Variants in SECISBP2L observed in about 807,000 individuals in gnomAD.
The protein encoded by SECISBP2L is SECIS binding protein 2 like, also known as selenocysteine insertion sequence-binding protein 2-like.
SECISBP2L carries 43 observed loss-of-function variants against 114.7 expected under a neutral mutation model. The ratio of observed to expected loss-of-function variants is 0.38; its 90% confidence interval spans 0.29 to 0.48. The LOEUF (loss-of-function observed/expected upper bound fraction) is 0.48, where lower values mean the gene tolerates loss of function less well. Among genes scored for constraint, SECISBP2L ranks in the 20% least tolerant of loss-of-function variants. SECISBP2L has a pLI of 0.98. For missense variants in SECISBP2L, 1,136 were observed against 1,301.1 expected, an observed-to-expected ratio of 0.87 and a Z score of 1.95; for synonymous variants, 451 against 439.7, an observed-to-expected ratio of 1.03 and a Z score of -0.32.
chr15:49,034,450 C>T (rs534326330), intron 3 of SECISBP2L, among the ~76,000 whole-genome samples: 91 of 151,292 alleles, frequency 6.0e-4, no homozygotes, highest in South Asian at 1.9e-3. Flanking sequence ...TCAAAAGGCT[C>T]GTACTGAGTA....
chr15:49,029,991 T>C (rs145400914), intron 4 of SECISBP2L, among the ~76,000 whole-genome samples: 4 of 151,754 alleles, frequency 2.6e-5, no homozygotes, highest in African/African-American at 9.7e-5. Context: ...CTGCCATTTT[T>C]CAACTGAGTT....
intron 15 of SECISBP2L, 85 bp from the exon 16 acceptor site, chr15:49,000,072 C>T (rs768286950): frequency 3.2e-5 from 45 of 1,412,518 alleles, no homozygotes; most frequent in East Asian, 4.6e-5. Flanking sequence ...CATAAAACAT[C>T]GCAGCAAAGA....
chr15:49,018,151 T>C (rs1024547254), intron 8 of SECISBP2L, among the ~76,000 whole-genome samples: 5 of 152,310 alleles, frequency 3.3e-5, no homozygotes, highest in African/African-American at 9.6e-5. Context: ...GTACATGTAC[T>C]ACAATTGCCA....
In SECISBP2L at chr15:49,016,669, A is replaced by C; in HGVS notation, c.1452T>G (p.Asn484Lys). 6.3e-7 allele frequency: 1 copy of C among 1,595,288 alleles called. No individual in the cohort carries two copies. Among genetic ancestry groups the C allele is most frequent in the Non-Finnish European group, 8.5e-7 (1 of 1,173,430 alleles). ...CTAAATCTAGCTGCACAGGTGTTTT[A>C]TTCTTTTTTCCAGCTGCTTTTGATA... ...EALSKAAGKK[N>K]KTPVQLDLGD... The change falls in exon 11 of 18, where the codon AAT (asparagine) becomes AAG (lysine). Residue 484 changes from asparagine (N) to lysine (K), a missense_variant. By Grantham distance (94) the Asn-to-Lys change is moderately conservative. Around this residue, in one of 2 missense-constraint regions of SECISBP2L, gnomAD observed 684 missense variants for 848.7 expected, o/e 0.81. Transcript: ENST00000559471.
chr15:48,998,344 T>C (rs566915267), intron 16 of SECISBP2L, among the ~76,000 whole-genome samples: 3 of 152,298 alleles, frequency 2.0e-5, no homozygotes, highest in South Asian at 4.1e-4. Context: ...ATTAGTAGTG[T>C]AAAAAATATA....
intron 4 of SECISBP2L, among the ~76,000 whole-genome samples, chr15:49,031,974 T>TA (rs1294286125): frequency 1.3e-5 from 2 of 152,224 alleles, no homozygotes; most frequent in Non-Finnish European, 2.9e-5. Flanking sequence ...GTCAGTCTGT[T>TA]AATCTCAAAG....
At position 49,011,656 on chromosome 15, in the gene SECISBP2L, C is replaced by A. The variant is rs1436212035; in HGVS notation, c.1864+75G>T. 6 of 1,513,394 alleles carry A rather than the reference C, an allele frequency of 4.0e-6. No homozygotes were observed. In the African/African-American group the frequency reaches 8.4e-5, roughly 21 times the overall value. 93.7% of individuals were successfully genotyped at this position (1,513,394 alleles called of 1,614,324 possible). On this transcript the variant is annotated intron_variant, in intron 13 of 17. Transcript: ENST00000559471. ...CACGTCTTCCAATCAGGAGCATTAA[C>A]TAGTGATAGCTTACGTATCTATTAA...
chr15:49,016,034 G>C (rs1902528798), intron 11 of SECISBP2L, among the ~76,000 whole-genome samples: 1 of 152,220 alleles, frequency 6.6e-6, no homozygotes, highest in Non-Finnish European at 1.5e-5. Flanking sequence ...TGTTAGGAGA[G>C]AATGGTGACG....
rs767678641 is a variant in SECISBP2L, at chr15:49,046,347, C to T, written c.-48G>A. On this transcript the variant is annotated 5_prime_UTR_variant, in exon 1 of 18. Coordinates refer to ENST00000559471, the MANE Select transcript of SECISBP2L (RefSeq NM_001193489.2). Reference sequence around the variant, plus strand: ...CCGCGCTAGTCGGTGTAAACAGCGCCTCGGGCCGCTTTCTCCATGGCCCCC... The same window carrying T: ...CCGCGCTAGTCGGTGTAAACAGCGCTTCGGGCCGCTTTCTCCATGGCCCCC... 1.4e-5 allele frequency: 21 copies of T among 1,466,644 alleles called. No individual in the cohort carries two copies. The African/African-American group carries it at 3.1e-4, about 21-fold the overall frequency. 90.9% of individuals were successfully genotyped at this position (1,466,644 alleles called of 1,614,324 possible). A position where few individuals can be genotyped will look rare whatever the true frequency, so the allele number is the denominator to read the frequency against.
At chr15:49,032,892 G>T in intron 4 of SECISBP2L, 73 bp downstream of exon 4, 1 of 1,557,552 alleles carries the variant, frequency 6.4e-7, no homozygotes, top group Non-Finnish European at 8.7e-7. Context: ...AAGTGGTTCA[G>T]ACCACAATTA....
intron 2 of SECISBP2L, among the ~76,000 whole-genome samples, chr15:49,036,378 T>C (rs1019489185): frequency 2.0e-5 from 3 of 152,234 alleles, no homozygotes; most frequent in Non-Finnish European, 4.4e-5. Flanking sequence ...AGTTGAAGCA[T>C]AGGGCTTTTC....
At chr15:49,023,151 C>T (rs1461887542) in intron 7 of SECISBP2L, among the ~76,000 whole-genome samples, 1 of 151,866 alleles carries the variant, frequency 6.6e-6, no homozygotes, top group Non-Finnish European at 1.5e-5. Flanking sequence ...AAAGGAAAAC[C>T]TAGCAAAATA....
chr15:49,013,072 ACC>A (rs1175700968), intron 11 of SECISBP2L: 17 of 336,194 alleles, frequency 5.1e-5, no homozygotes, highest in African/African-American at 3.6e-4. Flanking sequence ...CTCCTGTACA[ACC>A]CTCAAACATG....
intron 1 of SECISBP2L, among the ~76,000 whole-genome samples, chr15:49,041,715 A>T (rs1231063763): frequency 6.6e-6 from 1 of 152,246 alleles, no homozygotes; most frequent in East Asian, 1.9e-4. Flanking sequence ...GTGAAACTCC[A>T]GAGTATGTAC....
intron 8 of SECISBP2L, among the ~76,000 whole-genome samples, chr15:49,018,517 G>A (rs924771450): frequency 6.6e-6 from 1 of 151,860 alleles, no homozygotes; most frequent in Non-Finnish European, 1.5e-5. Context: ...CAGGTGATCT[G>A]CTTGGCCTCC....
intron 4 of SECISBP2L, among the ~76,000 whole-genome samples, chr15:49,030,227 A>C (rs1439109642): frequency 6.6e-6 from 1 of 152,176 alleles, no homozygotes; most frequent in Admixed American, 6.6e-5. Flanking sequence ...ATATTATTCC[A>C]TTGAGTGGGT....
chr15:49,027,081 A>G (rs1479456793), intron 7 of SECISBP2L, among the ~76,000 whole-genome samples: 1 of 152,250 alleles, frequency 6.6e-6, no homozygotes, highest in Non-Finnish European at 1.5e-5. Context: ...TATGTGGGAA[A>G]AAGACATGGC....
chr15:49,043,918 A>G lies in SECISBP2L; in HGVS notation c.24+2358T>C, dbSNP rs11856781. Among the ~76,000 whole-genome samples, 986 of 152,176 alleles carry G rather than the reference A, an allele frequency of 6.5e-3. 5 individuals are homozygous for G. The highest frequency in any genetic ancestry group is 0.011 in the Non-Finnish European group (748 of 67,938). ...AAGATTTTATATATTAAAAAAAGGTAATTCACAAGAACAAGAACATGAATG... is the reference window on the plus strand; with the variant it reads ...AAGATTTTATATATTAAAAAAAGGTGATTCACAAGAACAAGAACATGAATG... On this transcript the variant is annotated intron_variant, in intron 1 of 17. Transcript: ENST00000559471.
chr15:49,018,412 A>G (rs1014395771), intron 8 of SECISBP2L, among the ~76,000 whole-genome samples: 4 of 152,054 alleles, frequency 2.6e-5, no homozygotes, highest in African/African-American at 9.7e-5. Context: ...ACCCGCCACC[A>G]TGCCCAGTTA....
Sources: allele counts gnomAD v4.1 joint callset (sites outside exome capture counted in the v4.1 genomes callset), GRCh38; gene constraint gnomAD v4.1.1; regional missense constraint gnomAD v4.1.1; transcripts MANE v1.5; gene names NCBI Gene and HGNC (gene_info 2026-07-23, HGNC 2026-07-21).